The following INPP5A variants were observed in gnomAD, a reference collection of about 807,000 sequenced individuals.
INPP5A encodes the protein inositol polyphosphate-5-phosphatase A.
In INPP5A, 14 loss-of-function variants were observed where a neutral mutation model predicts 65.2. The observed-to-expected ratio is 0.21, with a 90% CI of 0.14 to 0.34. The LOEUF (loss-of-function observed/expected upper bound fraction) is 0.34. Among genes scored for constraint, INPP5A ranks in the 10% least tolerant of loss-of-function variants. The pLI is 1.00. For missense variants in INPP5A, 431 were observed against 545.6 expected, an observed-to-expected ratio of 0.79 and a Z score of 2.09; for synonymous variants, 207 against 208.3, an observed-to-expected ratio of 0.99 and a Z score of 0.05.
chr10:132,686,891 C>T (rs1258020241), intron 4 of INPP5A, among the ~76,000 whole-genome samples: 1 of 152,232 alleles, frequency 6.6e-6, no homozygotes, highest in Non-Finnish European at 1.5e-5. Flanking sequence ...TCTCTTAACT[C>T]TGTGCTGAAA....
intron 4 of INPP5A, among the ~76,000 whole-genome samples, chr10:132,689,980 G>A (rs1313708247): frequency 1.3e-5 from 2 of 151,844 alleles, no homozygotes; most frequent in Non-Finnish European, 2.9e-5. Context: ...ATGCCCGGCC[G>A]GTGGGACCTG....
chr10:132,686,075 A>G (rs1455593018), intron 4 of INPP5A, among the ~76,000 whole-genome samples: 1 of 152,218 alleles, frequency 6.6e-6, no homozygotes, highest in Admixed American at 6.5e-5. Flanking sequence ...TCAGTTGCCC[A>G]TTAGCTCCCA....
At chr10:132,581,319 T>G (rs1427995856) in intron 1 of INPP5A, among the ~76,000 whole-genome samples, 1 of 152,236 alleles carries the variant, frequency 6.6e-6, no homozygotes. Flanking sequence ...AATGATAGCA[T>G]GTTTTAATTA....
chr10:132,673,530 C>T (rs551933526), intron 4 of INPP5A, among the ~76,000 whole-genome samples: 1 of 152,308 alleles, frequency 6.6e-6, no homozygotes, highest in Non-Finnish European at 1.5e-5. Context: ...GCCATTCCAC[C>T]ATTCTGTCAA....
At chr10:132,688,825 A>AGT (rs3078519) in intron 4 of INPP5A, among the ~76,000 whole-genome samples, 150,653 of 152,112 alleles carry the variant, frequency 0.99, 74,606 homozygotes, top group East Asian at 1. Flanking sequence ...TGCATGACTG[A>AGT]GTGCAAGTGT....
intron 2 of INPP5A, among the ~76,000 whole-genome samples, chr10:132,624,444 C>G (rs572150236): frequency 6.6e-6 from 1 of 150,946 alleles, no homozygotes; most frequent in Non-Finnish European, 1.5e-5. Flanking sequence ...CACACCGGCA[C>G]GTGCACTTCC....
At position 132,558,456 on chromosome 10, in the gene INPP5A, C is replaced by T. The variant is rs1001361078; in HGVS notation, c.75+20285C>T. Among the ~76,000 whole-genome samples the T allele has an allele frequency of 7.2e-5, 11 of 152,334 alleles. 1 individual carries two copies. Among genetic ancestry groups the T allele is most frequent in the South Asian group, 6.2e-4 (3 of 4,830 alleles). On this transcript the variant is annotated intron_variant, in intron 1 of 15. Transcript: ENST00000368594. ...TTTCTGCCTCCTGAAGCCACGTCCA[C>T]GTCGGCTCCTGTGCAGTAGAGACCG...
intron 12 of INPP5A, among the ~76,000 whole-genome samples, chr10:132,775,528 C>T (rs2134691358): frequency 6.6e-6 from 1 of 152,234 alleles, no homozygotes; most frequent in Admixed American, 6.5e-5. Flanking sequence ...ACCAGCCCCT[C>T]CTGCATTTCT....
intron 9 of INPP5A, among the ~76,000 whole-genome samples, chr10:132,742,704 C>T (rs1846296498): frequency 1.3e-5 from 2 of 152,190 alleles, no homozygotes; most frequent in Admixed American, 6.5e-5. Flanking sequence ...GTGAGGGACA[C>T]CCAGCTCCGA....
chr10:132,724,201 CT>C (rs1406363503), intron 8 of INPP5A, among the ~76,000 whole-genome samples: 3 of 152,130 alleles, frequency 2.0e-5, no homozygotes, highest in Non-Finnish European at 2.9e-5. Context: ...AATAGATTGT[CT>C]CAAAAAAACC....
In INPP5A at chr10:132,551,425, C is replaced by T. The variant is rs1286024071; in HGVS notation, c.75+13254C>T. Among the ~76,000 whole-genome samples, 1 of 152,164 alleles carries T rather than the reference C, an allele frequency of 6.6e-6. No individual in the cohort carries two copies. Among genetic ancestry groups the T allele is most frequent in the Non-Finnish European group, 1.5e-5 (1 of 68,030 alleles). On this transcript the variant is annotated intron_variant, in intron 1 of 15. Coordinates refer to ENST00000368594, the MANE Select transcript of INPP5A (RefSeq NM_005539.5). The surrounding 1 kb of genome is among the most constrained non-coding windows in gnomAD (Gnocchi z 5.3). ...CAGGTGGTCGGGGGACACCGGGCTT[C>T]TGGGTCAGCAAGTGTTTGCCATACG...
rs183992515 is a variant in INPP5A, at chr10:132,719,175, C to T, written c.648-7646C>T. Among the ~76,000 whole-genome samples the T allele has an allele frequency of 5.9e-3, 814 of 137,284 alleles. 15 individuals are homozygous for T. Among genetic ancestry groups the T allele is most frequent in the African/African-American group, 0.021 (777 of 36,292 alleles). 90.1% of individuals were successfully genotyped at this position (137,284 alleles called of 152,430 possible). On this transcript the variant is annotated intron_variant, in intron 8 of 15. Transcript: ENST00000368594. ...CTGGGTGCCTTAGACGGCTGTCTTGCGGGTTCTGTGGTACCTGGGTTCTGT... is the reference window on the plus strand; with the variant it reads ...CTGGGTGCCTTAGACGGCTGTCTTGTGGGTTCTGTGGTACCTGGGTTCTGT...
At position 132,770,635 on chromosome 10, in the gene INPP5A, A is replaced by G. The variant is rs1846932712; in HGVS notation, c.977+4789A>G. 3.9e-5 allele frequency among the ~76,000 whole-genome samples: 6 copies of G among 152,356 alleles called. No individual in the cohort carries two copies. In the South Asian group the frequency reaches 1.2e-3, roughly 32 times the overall value. On this transcript the variant is annotated intron_variant, in intron 12 of 15. Transcript: ENST00000368594. The stretch of plus-strand genomic sequence containing the variant: ...ACTGAGGACCCTGGAGCTTTTGTCT[A>G]TGTGGGTTCCATCTGTTGGTCATGG...
intron 1 of INPP5A, among the ~76,000 whole-genome samples, chr10:132,552,652 G>A (rs1011412187): frequency 1.4e-5 from 2 of 146,156 alleles, no homozygotes; most frequent in African/African-American, 5.2e-5. Context: ...CCTTCTCAGA[G>A]CCTTGGTGGA....
At position 132,701,856 on chromosome 10, in the gene INPP5A, C is replaced by T. The variant is rs73385187; in HGVS notation, c.474+3937C>T. ...GTGCAGGAATTGGGGCGGTGGTTCC[C>T]GTTCTGGTTCTTTCTCCAAAGAGCT... On this transcript the variant is annotated intron_variant, in intron 6 of 15. Coordinates refer to ENST00000368594, the MANE Select transcript of INPP5A (RefSeq NM_005539.5). 6.2e-3 allele frequency among the ~76,000 whole-genome samples: 941 copies of T among 152,348 alleles called. 7 individuals are homozygous for T. The highest frequency in any genetic ancestry group is 0.021 in the African/African-American group (891 of 41,574).
intron 9 of INPP5A, among the ~76,000 whole-genome samples, chr10:132,742,694 G>A (rs946127008): frequency 2.6e-5 from 4 of 152,192 alleles, no homozygotes; most frequent in East Asian, 1.9e-4. Flanking sequence ...AGTTCGGACC[G>A]TGAGGGACAC....
intron 11 of INPP5A, among the ~76,000 whole-genome samples, chr10:132,751,501 C>T (rs1468355536): frequency 2.0e-5 from 3 of 152,250 alleles, no homozygotes; most frequent in African/African-American, 4.8e-5. Flanking sequence ...GCTCTGCCTG[C>T]GGGACTCTGG....
In INPP5A at chr10:132,655,290, A is replaced by G. The variant is rs117422584; in HGVS notation, c.306+4785A>G. ...AACACATGTCCACCCACAGCACTGG[A>G]GACAGGGCTCAGAGCTAGCCCCGCC... is the stretch of plus-strand genomic sequence containing the variant. On this transcript the variant is annotated intron_variant, in intron 4 of 15. Coordinates refer to ENST00000368594, the MANE Select transcript of INPP5A (RefSeq NM_005539.5). Among the ~76,000 whole-genome samples, 1,145 of 152,290 alleles carry G rather than the reference A, an allele frequency of 7.5e-3. 4 individuals carry two copies. The highest frequency in any genetic ancestry group is 0.012 in the Non-Finnish European group (824 of 68,012).
At chr10:132,684,179 A>T (rs2073087198) in intron 4 of INPP5A, among the ~76,000 whole-genome samples, 1 of 151,984 alleles carries the variant, frequency 6.6e-6, no homozygotes, top group African/African-American at 2.4e-5. Flanking sequence ...TGATCTGTGT[A>T]TTTTCCTTGC....
Sources: allele counts gnomAD v4.1 joint callset (sites outside exome capture counted in the v4.1 genomes callset), GRCh38; gene constraint gnomAD v4.1.1; non-coding constraint Gnocchi (gnomAD v3.1); transcripts MANE v1.5; gene names NCBI Gene and HGNC (gene_info 2026-07-23, HGNC 2026-07-21).